RAB1A: variants seen among roughly 807,000 people sequenced by gnomAD.
The protein encoded by RAB1A is RAB1A, member RAS oncogene family.
RAB1A carries 2 observed loss-of-function variants against 26.0 expected under a neutral mutation model. That is an observed-to-expected ratio of 0.08 (90% CI 0.03 to 0.24). The LOEUF (loss-of-function observed/expected upper bound fraction) is 0.24, where lower values mean the gene tolerates loss of function less well. RAB1A is among the 10% of genes least tolerant of loss of function. RAB1A has a pLI of 1.00. For synonymous variants in RAB1A, 84 were observed against 84.9 expected, an observed-to-expected ratio of 0.99 and a Z score of 0.06; for missense variants, 100 against 247.0, an observed-to-expected ratio of 0.40 and a Z score of 3.99.
chr2:65,097,371 T>C (rs1342118456), intron 3 of RAB1A, among the ~76,000 whole-genome samples: 1 of 152,188 alleles, frequency 6.6e-6, no homozygotes. Context: ...ACACAAAATA[T>C]TGAAGACAGA....
chr2:65,104,510 C>G (rs1259279736), intron 2 of RAB1A, among the ~76,000 whole-genome samples: 1 of 152,198 alleles, frequency 6.6e-6, no homozygotes, highest in Non-Finnish European at 1.5e-5. Context: ...ATTAGACATT[C>G]TGACTTTATA....
intron 2 of RAB1A, among the ~76,000 whole-genome samples, chr2:65,101,071 G>A (rs560966523): frequency 3.9e-5 from 6 of 151,904 alleles, no homozygotes; most frequent in South Asian, 2.1e-4. Context: ...ACTTGAACCC[G>A]GGAGGTGGGA....
intron 1 of RAB1A, among the ~76,000 whole-genome samples, chr2:65,129,198 T>TAA (rs373295500): frequency 0.11 from 14,155 of 134,222 alleles, 959 homozygotes; most frequent in South Asian, 0.2. Context: ...GTGTCCTCTT[T>TAA]AAAAAAAAAA....
At chr2:65,094,631 T>A (rs1669244417) in intron 3 of RAB1A, among the ~76,000 whole-genome samples, 1 of 151,546 alleles carries the variant, frequency 6.6e-6, no homozygotes, top group Admixed American at 6.6e-5. Context: ...ATCAAAAACC[T>A]TAAGACCCAA....
chr2:65,129,734 G>A (rs962004312), intron 1 of RAB1A, among the ~76,000 whole-genome samples, 159 bp downstream of exon 1: 1 of 151,582 alleles, frequency 6.6e-6, no homozygotes, highest in East Asian at 1.9e-4. Context: ...CTCCGCGTCA[G>A]ACAATGGGGC....
intron 1 of RAB1A, among the ~76,000 whole-genome samples, chr2:65,111,389 A>T (rs935591590): frequency 6.6e-6 from 1 of 152,062 alleles, no homozygotes; most frequent in Non-Finnish European, 1.5e-5. Context: ...ACATCAGACA[A>T]ATACAAACTG....
intron 1 of RAB1A, chr2:65,114,030 A>G: frequency 3.2e-6 from 1 of 310,658 alleles, no homozygotes; most frequent in Non-Finnish European, 6.5e-6. Flanking sequence ...TCAGCACAGC[A>G]CACCTATCAT....
intron 1 of RAB1A, among the ~76,000 whole-genome samples, chr2:65,127,901 T>C (rs1558590644): frequency 6.6e-6 from 1 of 151,968 alleles, no homozygotes; most frequent in Non-Finnish European, 1.5e-5. Context: ...GCCCGGCTAA[T>C]TTTTTTGCAT....
chr2:65,115,313 G>C (rs1274775457), intron 1 of RAB1A, among the ~76,000 whole-genome samples: 1 of 152,114 alleles, frequency 6.6e-6, no homozygotes, highest in African/African-American at 2.4e-5. Flanking sequence ...AATCTTAAGG[G>C]AAAATTATCA....
chr2:65,125,140 G>C (rs1054137800), intron 1 of RAB1A, among the ~76,000 whole-genome samples: 1 of 151,654 alleles, frequency 6.6e-6, no homozygotes, highest in African/African-American at 2.4e-5. Context: ...AGAGATTCTG[G>C]AGCCATGATA....
At chr2:65,095,260 T>A (rs755022530) in intron 3 of RAB1A, among the ~76,000 whole-genome samples, 4 of 152,150 alleles carry the variant, frequency 2.6e-5, no homozygotes, top group East Asian at 1.9e-4. Flanking sequence ...GTCTTAGACC[T>A]CCTGAGCTCA....
chr2:65,088,901 C>G lies in RAB1A; in HGVS notation c.420+38G>C, dbSNP rs758701438. 1.2e-5 allele frequency: 19 copies of G among 1,564,918 alleles called. No homozygotes were observed. In the South Asian group the frequency reaches 2.2e-4, roughly 18 times the overall value. On this transcript the variant is annotated intron_variant, in intron 5 of 5. Transcript: ENST00000409784. ...TGCAGAACCCATACATAATTCAACA[C>G]CTTCAAATTCAGTATGAAAATTAAA...
At chr2:65,122,702 C>A (rs1185523732) in intron 1 of RAB1A, among the ~76,000 whole-genome samples, 1 of 151,902 alleles carries the variant, frequency 6.6e-6, no homozygotes, top group Non-Finnish European at 1.5e-5. Context: ...TCTGGCCAGA[C>A]GTGGTGGCTC....
At chr2:65,109,035 CT>C (rs1669630953) in intron 1 of RAB1A, among the ~76,000 whole-genome samples, 1 of 152,146 alleles carries the variant, frequency 6.6e-6, no homozygotes, top group Non-Finnish European at 1.5e-5. Flanking sequence ...AAGACACACA[CT>C]TGAATAGCGT....
intron 2 of RAB1A, among the ~76,000 whole-genome samples, chr2:65,099,253 A>G (rs1669361348): frequency 6.6e-6 from 1 of 152,174 alleles, no homozygotes; most frequent in African/African-American, 2.4e-5. Context: ...TGCCATGAAC[A>G]TTTGTGTACA....
At chr2:65,119,588 A>G (rs1381655556) in intron 1 of RAB1A, among the ~76,000 whole-genome samples, 1 of 151,812 alleles carries the variant, frequency 6.6e-6, no homozygotes, top group African/African-American at 2.4e-5. Context: ...CAAAAACAAA[A>G]AAAAACAAAA....
rs1468464706 is a variant in RAB1A, at chr2:65,094,995, A to G, written c.192+2976T>C. ...CAGCTCTACAAGGCGGAGGAATAAG[A>G]AGAGACAGAAGTAAAAGAAACAGGC... On this transcript the variant is annotated intron_variant, in intron 3 of 5. Coordinates refer to ENST00000409784, the MANE Select transcript of RAB1A (RefSeq NM_004161.5). Among the ~76,000 whole-genome samples the G allele has an allele frequency of 2.0e-5, 3 of 152,320 alleles. No individual in the cohort carries two copies. In the East Asian group the frequency reaches 5.8e-4, roughly 29 times the overall value.
chr2:65,105,920 G>A (rs1270018860), intron 1 of RAB1A, among the ~76,000 whole-genome samples: 1 of 151,928 alleles, frequency 6.6e-6, no homozygotes, highest in Non-Finnish European at 1.5e-5. Flanking sequence ...GCGCCACCAC[G>A]CCCAGCTAAT....
chr2:65,090,080 T>C, intron 4 of RAB1A, among the ~76,000 whole-genome samples: 1 of 152,228 alleles, frequency 6.6e-6, no homozygotes, highest in East Asian at 1.9e-4. Context: ...TGTTATTAAA[T>C]ATACTCATTT....
Sources: gnomAD v4.1 joint callset for allele counts (sites outside exome capture counted in the v4.1 genomes callset) on GRCh38, gnomAD v4.1.1 for gene constraint, MANE v1.5 for transcripts, NCBI Gene and HGNC (gene_info 2026-07-23, HGNC 2026-07-21) for gene names.